LRRC9: variants seen among roughly 807,000 people sequenced by gnomAD.
LRRC9 encodes the protein leucine-rich repeat-containing protein 9.
A neutral mutation model predicts 63.2 loss-of-function variants in LRRC9; 122 were observed. The observed-to-expected ratio is 1.93, with a 90% CI of 1.67 to 2.24. The LOEUF is 2.24. Among genes scored for constraint, LRRC9 ranks in the 30% most tolerant of loss-of-function variants. The pLI, the probability that LRRC9 is intolerant of heterozygous loss-of-function variation, is 0.00. For synonymous variants in LRRC9, 366 were observed against 213.1 expected, an observed-to-expected ratio of 1.72 and a Z score of -6.25; for missense variants, 1,071 against 627.7, an observed-to-expected ratio of 1.71 and a Z score of -7.55.
chr14:59,930,892 T>A lies in LRRC9; in HGVS notation c.268-26T>A. ...ATTAATAGCAAAACATAAACTAACA[T>A]TATTCAGTCTCCTTTTCTTTTACAG... On this transcript the variant is annotated intron_variant, in intron 3 of 31. Coordinates refer to ENST00000445360, the Ensembl canonical transcript of LRRC9. The surrounding 1 kb of genome is among the most constrained non-coding windows in gnomAD (Gnocchi z 4.9). The A allele has an allele frequency of 2.5e-6, 1 of 399,360 alleles. No individual in the cohort carries two copies. Among genetic ancestry groups the A allele is most frequent in the Non-Finnish European group, 4.5e-6 (1 of 220,938 alleles). The allele number at this position is 399,360 out of a possible 1,614,324, so 24.7% of individuals were successfully genotyped here.
chr14:59,941,804 C>T (rs1399735402), intron 7 of LRRC9, among the ~76,000 whole-genome samples: 1 of 152,072 alleles, frequency 6.6e-6, no homozygotes, highest in African/African-American at 2.4e-5. Flanking sequence ...TTCTTTCTGT[C>T]GTGAACATCC....
intron 23 of LRRC9, among the ~76,000 whole-genome samples, chr14:60,015,817 C>T (rs1890633460): frequency 6.6e-6 from 1 of 152,068 alleles, no homozygotes; most frequent in African/African-American, 2.4e-5. Flanking sequence ...TCCCACTCAG[C>T]AGGTGGATGA....
exon 9 of LRRC9, chr14:59,959,966 T>C: frequency 1.5e-6 from 1 of 689,278 alleles, no homozygotes; most frequent in Non-Finnish European, 2.6e-6. Context: ...TTGGCCAAAC[T>C]AAATGCCTTG....
chr14:59,967,761 C>T (rs1885013626), intron 12 of LRRC9, among the ~76,000 whole-genome samples: 1 of 152,128 alleles, frequency 6.6e-6, no homozygotes, highest in Admixed American at 6.5e-5. Context: ...GCAGCGCTTC[C>T]CAACCTTTTT....
chr14:59,957,011 T>C (rs1390067746), intron 8 of LRRC9, among the ~76,000 whole-genome samples: 3 of 152,222 alleles, frequency 2.0e-5, no homozygotes, highest in Non-Finnish European at 4.4e-5. Context: ...GTTAGTCTGA[T>C]GGGCTTCCCT....
chr14:59,971,261 GCTCT>G (rs1253317614), intron 12 of LRRC9, among the ~76,000 whole-genome samples: 2 of 151,962 alleles, frequency 1.3e-5, no homozygotes, highest in Non-Finnish European at 2.9e-5. Flanking sequence ...TTATTTCCAG[GCTCT>G]CTATTCTCTG....
chr14:59,995,725 G>GT (rs34727045), intron 17 of LRRC9, among the ~76,000 whole-genome samples: 110,020 of 148,756 alleles, frequency 0.74, 42,824 homozygotes, highest in Non-Finnish European at 0.87. Context: ...AAGAAGACAG[G>GT]TTTTTTTTTT....
chr14:60,026,538 G>A (rs1474656287), intron 27 of LRRC9, among the ~76,000 whole-genome samples: 3 of 151,962 alleles, frequency 2.0e-5, no homozygotes, highest in Non-Finnish European at 4.4e-5. Flanking sequence ...TCTTCACTTC[G>A]TTGATTGTTT....
rs1314743415 is a variant in LRRC9, at chr14:60,003,430, T to A, written c.2665-191T>A. 6.6e-6 allele frequency among the ~76,000 whole-genome samples: 1 copy of A among 152,236 alleles called. No homozygotes were observed. Among genetic ancestry groups the A allele is most frequent in the Non-Finnish European group, 1.5e-5 (1 of 68,032 alleles). On this transcript the variant is annotated intron_variant, in intron 20 of 31. Coordinates refer to ENST00000445360, the Ensembl canonical transcript of LRRC9. This position sits in a 1 kb window ranked among gnomAD's most constrained non-coding sequence, Gnocchi z 4.2. The stretch of plus-strand genomic sequence containing the variant: ...GTCCTTAATACCATATAAGTCCTTC[T>A]TGGAGTTATAATCTCGTCAAATTTT...
At position 59,932,373 on chromosome 14, in the gene LRRC9, A is replaced by C. The variant is rs966209355; in HGVS notation, c.543+334A>C. Among the ~76,000 whole-genome samples the C allele has an allele frequency of 3.3e-5, 5 of 151,990 alleles. No homozygotes were observed. The highest frequency in any genetic ancestry group is 1.2e-4 in the African/African-American group (5 of 41,372). Reference sequence around the variant, plus strand: ...TTGGTCAGTACTGACATCTTTTCTCATTTCTGTCTGCATTCATTCTCTAAA... The same window carrying C: ...TTGGTCAGTACTGACATCTTTTCTCCTTTCTGTCTGCATTCATTCTCTAAA... On this transcript the variant is annotated intron_variant, in intron 6 of 31. Coordinates refer to ENST00000445360, the Ensembl canonical transcript of LRRC9. This position sits in a 1 kb window ranked among gnomAD's most constrained non-coding sequence, Gnocchi z 4.7.
intron 7 of LRRC9, among the ~76,000 whole-genome samples, chr14:59,941,081 C>G (rs1881711960): frequency 6.6e-6 from 1 of 151,678 alleles, no homozygotes. Flanking sequence ...AAAAAAAACC[C>G]TTATTGATAA....
At chr14:60,050,646 G>C (rs1234287274) in intron 29 of LRRC9, among the ~76,000 whole-genome samples, 1 of 152,120 alleles carries the variant, frequency 6.6e-6, no homozygotes, top group Non-Finnish European at 1.5e-5. Context: ...TAGGAGAAGA[G>C]GCACTCTGGC....
intron 6 of LRRC9, among the ~76,000 whole-genome samples, chr14:59,933,924 T>A (rs966984879): frequency 3.3e-5 from 5 of 152,114 alleles, no homozygotes; most frequent in African/African-American, 1.2e-4. Context: ...GAAAGGTCAA[T>A]TGGGTCTCGA....
chr14:59,938,383 A>G lies in LRRC9; in HGVS notation c.544-7A>G. 1 of 676,480 alleles carries G rather than the reference A, an allele frequency of 1.5e-6. No individual in the cohort carries two copies. The highest frequency in any genetic ancestry group is 2.7e-6 in the Non-Finnish European group (1 of 373,596). The allele number at this position is 676,480 out of a possible 1,614,324, so 41.9% of individuals were successfully genotyped here. On this transcript the variant is annotated splice_region_variant and splice_polypyrimidine_tract_variant and intron_variant, in intron 6 of 31. Coordinates refer to ENST00000445360, the Ensembl canonical transcript of LRRC9. The surrounding 1 kb of genome is among the most constrained non-coding windows in gnomAD (Gnocchi z 4.2). ...TTAACTGAACATTATCTTTGCTGGC[A>G]TTTTAGGAACTCACGAACTTAACCA...
intron 8 of LRRC9, among the ~76,000 whole-genome samples, chr14:59,946,150 A>C (rs997170448): frequency 6.6e-6 from 1 of 151,468 alleles, no homozygotes; most frequent in Non-Finnish European, 1.5e-5. Context: ...AATGTTTAAT[A>C]AGAGAAGAGT....
chr14:59,935,588 C>T (rs1890077273), intron 6 of LRRC9, among the ~76,000 whole-genome samples: 1 of 152,074 alleles, frequency 6.6e-6, no homozygotes, highest in Non-Finnish European at 1.5e-5. Context: ...GGCTAAAATT[C>T]CAAAAGAGAT....
At chr14:60,039,159 G>A (rs145010721) in intron 29 of LRRC9, among the ~76,000 whole-genome samples, 3,349 of 152,178 alleles carry the variant, frequency 0.022, 59 homozygotes, top group South Asian at 0.05. Context: ...TGCTGGATTC[G>A]GTTTGCCAGT....
chr14:59,977,614 A>C (rs970884003), intron 14 of LRRC9, among the ~76,000 whole-genome samples: 1 of 151,320 alleles, frequency 6.6e-6, no homozygotes, highest in Non-Finnish European at 1.5e-5. Context: ...TCATTTTCAA[A>C]GAATTAAAAA....
chr14:60,019,960 T>G (rs1890995666), intron 26 of LRRC9, among the ~76,000 whole-genome samples: 1 of 151,814 alleles, frequency 6.6e-6, no homozygotes, highest in African/African-American at 2.4e-5. Flanking sequence ...GTGCTTTTTA[T>G]TACCTCTATC....
Sources: allele counts gnomAD v4.1 joint callset (sites outside exome capture counted in the v4.1 genomes callset), GRCh38; gene constraint gnomAD v4.1.1; non-coding constraint Gnocchi (gnomAD v3.1); transcripts MANE v1.5; gene names NCBI Gene and HGNC (gene_info 2026-07-23, HGNC 2026-07-21).